The following CLIC5 variants were observed in gnomAD, a reference collection of about 807,000 sequenced individuals.
CLIC5 encodes the protein CLIC family member 5, also known as chloride intracellular channel protein 5.
In CLIC5, 20 loss-of-function variants were observed where a neutral mutation model predicts 24.7. That is an observed-to-expected ratio of 0.81 (90% CI 0.57 to 1.18). The LOEUF is 1.18. CLIC5 is among the 50% of genes most tolerant of loss of function. CLIC5 has a pLI of 0.00. For synonymous variants in CLIC5, 159 were observed against 135.6 expected, an observed-to-expected ratio of 1.17 and a Z score of -1.20; for missense variants, 341 against 326.1, an observed-to-expected ratio of 1.05 and a Z score of -0.35.
chr6:45,940,453 C>T (rs937340418), intron 4 of CLIC5, among the ~76,000 whole-genome samples: 10 of 152,176 alleles, frequency 6.6e-5, no homozygotes, highest in Non-Finnish European at 1.2e-4. Flanking sequence ...ATTTACTTCC[C>T]GATACACCAA....
intron 1 of CLIC5, among the ~76,000 whole-genome samples, chr6:45,975,428 A>T (rs1765353084): frequency 6.6e-6 from 1 of 152,214 alleles, no homozygotes; most frequent in South Asian, 2.1e-4. Flanking sequence ...CTGAAACAAA[A>T]GTATTTCTGT....
intron 5 of CLIC5, among the ~76,000 whole-genome samples, chr6:45,908,408 T>C (rs905135214): frequency 2.0e-5 from 3 of 152,194 alleles, no homozygotes; most frequent in African/African-American, 7.2e-5. Context: ...GGTAGGCATT[T>C]CGTGCTATAA....
At chr6:45,905,928 G>C (rs1206697016) in intron 5 of CLIC5, among the ~76,000 whole-genome samples, 1 of 152,136 alleles carries the variant, frequency 6.6e-6, no homozygotes, top group African/African-American at 2.4e-5. Flanking sequence ...CTTCTGCATA[G>C]GGATAGTCAG....
intron 4 of CLIC5, among the ~76,000 whole-genome samples, chr6:45,917,249 C>T (rs1346188336): frequency 1.3e-5 from 2 of 152,152 alleles, no homozygotes; most frequent in Non-Finnish European, 2.9e-5. Flanking sequence ...GGATCCTTCA[C>T]CCTGTTAAGA....
intron 6 of CLIC5, among the ~76,000 whole-genome samples, chr6:45,882,900 G>A (rs1178098687): frequency 6.6e-6 from 1 of 152,188 alleles, no homozygotes; most frequent in Non-Finnish European, 1.5e-5. Flanking sequence ...GACTAGAAGA[G>A]TATTGAAAAG....
chr6:46,119,288 C>T, the CLIC5 span, among the ~76,000 whole-genome samples: 1 of 152,220 alleles, frequency 6.6e-6, no homozygotes, highest in African/African-American at 2.4e-5. Context: ...CTTCTTGCAG[C>T]TGAATTTAAC....
intron 2 of CLIC5, among the ~76,000 whole-genome samples, chr6:45,954,928 A>G (rs559944812): frequency 2.2e-4 from 34 of 152,306 alleles, no homozygotes; most frequent in Admixed American, 1.9e-3. Flanking sequence ...TAACTTGCTA[A>G]TCGGGTCAGT....
At chr6:46,075,305 T>G (rs940353484) in intron 1 of CLIC5, among the ~76,000 whole-genome samples, 5 of 152,128 alleles carry the variant, frequency 3.3e-5, no homozygotes, top group African/African-American at 1.2e-4. Flanking sequence ...CAGTGGCTTC[T>G]GCTTGTAATC....
chr6:45,912,641 A>G (rs1762861666), intron 5 of CLIC5: 17 of 1,523,074 alleles, frequency 1.1e-5, no homozygotes, highest in Non-Finnish European at 1.3e-5. Flanking sequence ...GGCAGCAAAT[A>G]CAGGACCGGA....
chr6:46,047,329 T>G (rs1023644425), intron 1 of CLIC5, among the ~76,000 whole-genome samples: 1 of 152,216 alleles, frequency 6.6e-6, no homozygotes, highest in African/African-American at 2.4e-5. Context: ...AGTAATACTC[T>G]TGATGCCCAT....
chr6:46,034,045 C>T (rs2127457225), intron 1 of CLIC5, among the ~76,000 whole-genome samples: 1 of 152,328 alleles, frequency 6.6e-6, no homozygotes, highest in Middle Eastern at 3.4e-3. Flanking sequence ...CACAAAGCTA[C>T]TATTGGAAAT....
At chr6:45,950,282 C>T (rs1484777556) in intron 2 of CLIC5, among the ~76,000 whole-genome samples, 1 of 151,892 alleles carries the variant, frequency 6.6e-6, no homozygotes. Context: ...ATTTTTGATT[C>T]AGCTACAGTG....
In CLIC5 at chr6:45,958,441, T is replaced by TATATATACACACACACACACACAC. The variant is rs1554151285; in HGVS notation, c.64-3198_64-3197insGTGTGTGTGTGTGTGTGTATATAT. 4.5e-4 allele frequency among the ~76,000 whole-genome samples: 8 copies of TATATATACACACACACACACACAC among 17,944 alleles called. 1 individual carries two copies. Among genetic ancestry groups the TATATATACACACACACACACACAC allele is most frequent in the Non-Finnish European group, 8.2e-4 (7 of 8,538 alleles). The allele number at this position is 17,944 out of a possible 152,430, so 11.8% of individuals were successfully genotyped here. On this transcript the variant is annotated intron_variant, in intron 1 of 5. Transcript: ENST00000339561. ...AGACAATTATATATATATATATATA[T>TATATATACACACACACACACACAC]ATATATATATATATATATATATATA...
At chr6:46,028,172 T>C (rs1029854090) in intron 1 of CLIC5, among the ~76,000 whole-genome samples, 11 of 152,182 alleles carry the variant, frequency 7.2e-5, no homozygotes, top group African/African-American at 2.7e-4. Context: ...ACTGTCTCCT[T>C]GTGGGAAGTC....
intron 1 of CLIC5, among the ~76,000 whole-genome samples, chr6:46,046,044 T>G (rs971976599): frequency 6.6e-5 from 10 of 152,088 alleles, no homozygotes; most frequent in Non-Finnish European, 1.0e-4. Flanking sequence ...GAGGAGAGGG[T>G]GCCAGAATTA....
At chr6:45,917,388 T>A (rs1465859344) in intron 4 of CLIC5, among the ~76,000 whole-genome samples, 1 of 152,320 alleles carries the variant, frequency 6.6e-6, no homozygotes, top group South Asian at 2.1e-4. Flanking sequence ...TGTTCTCTGT[T>A]CCTTGCCCCA....
chr6:46,043,221 T>C (rs988227683), intron 1 of CLIC5, among the ~76,000 whole-genome samples: 4 of 152,208 alleles, frequency 2.6e-5, no homozygotes, highest in Non-Finnish European at 4.4e-5. Flanking sequence ...CTGTGTACCA[T>C]GTACTGTGCT....
At chr6:45,881,453 G>A (rs558114939) in intron 6 of CLIC5, among the ~76,000 whole-genome samples, 174 of 152,098 alleles carry the variant, frequency 1.1e-3, no homozygotes, top group African/African-American at 3.8e-3. Context: ...GCCTTCCGGC[G>A]GCAGATTCTC....
the CLIC5 span, among the ~76,000 whole-genome samples, chr6:46,113,707 C>G: frequency 2.0e-5 from 3 of 152,098 alleles, no homozygotes; most frequent in African/African-American, 7.2e-5. Context: ...AGTCCTCACC[C>G]CTAGTACCTC....
Sources: gnomAD v4.1 joint callset for allele counts (sites outside exome capture counted in the v4.1 genomes callset) on GRCh38, gnomAD v4.1.1 for gene constraint, MANE v1.5 for transcripts, NCBI Gene and HGNC (gene_info 2026-07-23, HGNC 2026-07-21) for gene names.